PTBP3: variants seen among roughly 807,000 people sequenced by gnomAD.
The protein encoded by PTBP3 is polypyrimidine tract-binding protein 3.
PTBP3 carries 20 observed loss-of-function variants against 58.7 expected under a neutral mutation model. The ratio of observed to expected loss-of-function variants is 0.34; its 90% CI spans 0.24 to 0.50. PTBP3 has a LOEUF of 0.50. Among genes scored for constraint, PTBP3 ranks in the 20% least tolerant of loss-of-function variants. The probability of loss-of-function intolerance (pLI) is 0.98; values close to 1 mark genes in which losing one functional copy is unlikely to be tolerated. For synonymous variants in PTBP3, 185 were observed against 219.8 expected, an observed-to-expected ratio of 0.84 and a Z score of 1.40; for missense variants, 509 against 637.2, an observed-to-expected ratio of 0.80 and a Z score of 2.17.
At chr9:112,324,861 C>A (rs1167520802) in intron 1 of PTBP3, among the ~76,000 whole-genome samples, 3 of 152,070 alleles carry the variant, frequency 2.0e-5, no homozygotes, top group African/African-American at 7.2e-5. Context: ...GTTTGGCTGA[C>A]ACATGAGGCA....
chr9:112,375,654 T>C, the PTBP3 span, among the ~76,000 whole-genome samples: 1 of 152,162 alleles, frequency 6.6e-6, no homozygotes, highest in Non-Finnish European at 1.5e-5. Flanking sequence ...TTTGAGCCAC[T>C]TCCTCATGTA....
intron 7 of PTBP3, among the ~76,000 whole-genome samples, chr9:112,243,017 C>T (rs1173479280): frequency 6.6e-6 from 1 of 151,934 alleles, no homozygotes; most frequent in African/African-American, 2.4e-5. Flanking sequence ...CAATTGACCA[C>T]ATCTGTGGAT....
rs1427684215 is a variant in PTBP3, at chr9:112,333,586, C to A, written c.-168G>T. On this transcript the variant is annotated 5_prime_UTR_variant, in exon 1 of 14. Transcript: ENST00000374257. ...CGGGGACAAGCGAGCTTTGGCTCTG[C>A]GGAGCCCCGGCCGGTCCGAGGTGGA... 7.3e-7 allele frequency: 1 copy of A among 1,367,662 alleles called. No homozygotes were observed. Among genetic ancestry groups the A allele is most frequent in the Non-Finnish European group, 1.0e-6 (1 of 983,058 alleles). The allele number at this position is 1,367,662 out of a possible 1,614,324, so 84.7% of individuals were successfully genotyped here. A position where few individuals can be genotyped will look rare whatever the true frequency, so the allele number is the denominator to read the frequency against.
intron 1 of PTBP3, among the ~76,000 whole-genome samples, chr9:112,305,872 G>A (rs772335108): frequency 8.5e-5 from 13 of 152,192 alleles, no homozygotes; most frequent in African/African-American, 1.7e-4. Flanking sequence ...CCCAGGAGGC[G>A]GAGCTTGCAG....
intron 2 of PTBP3, among the ~76,000 whole-genome samples, chr9:112,279,182 G>A (rs1440907661): frequency 1.3e-5 from 2 of 152,012 alleles, no homozygotes; most frequent in Non-Finnish European, 2.9e-5. Context: ...AAGCCAATAG[G>A]AAACAAGGAA....
intron 12 of PTBP3, 81 bp from the exon 13 acceptor site, chr9:112,224,291 C>A: frequency 1.2e-6 from 1 of 828,364 alleles, no homozygotes; most frequent in Middle Eastern, 2.4e-4. Context: ...CATCAAATCT[C>A]TAGAGTACAT....
At chr9:112,286,338 A>G (rs1828112477) in intron 2 of PTBP3, among the ~76,000 whole-genome samples, 1 of 151,108 alleles carries the variant, frequency 6.6e-6, no homozygotes, top group African/African-American at 2.4e-5. Flanking sequence ...CCATCTTGTC[A>G]TTTTTTTTCT....
chr9:112,244,814 T>C (rs1338482531), intron 7 of PTBP3, among the ~76,000 whole-genome samples: 2 of 151,978 alleles, frequency 1.3e-5, no homozygotes, highest in South Asian at 2.1e-4. Context: ...AAAACCCCAA[T>C]AGCTACTGCT....
At chr9:112,241,774 C>G (rs528530049) in intron 7 of PTBP3, among the ~76,000 whole-genome samples, 24 of 152,194 alleles carry the variant, frequency 1.6e-4, no homozygotes, top group Non-Finnish European at 2.8e-4. Context: ...TCCCATCATT[C>G]CTGAAAATTT....
chr9:112,235,926 A>T (rs1228214646), intron 7 of PTBP3, among the ~76,000 whole-genome samples: 1 of 152,160 alleles, frequency 6.6e-6, no homozygotes, highest in Non-Finnish European at 1.5e-5. Flanking sequence ...TAGTTTCAAA[A>T]GGGGGATAGG....
chr9:112,268,895 T>C (rs1157823758), intron 3 of PTBP3, among the ~76,000 whole-genome samples: 1 of 152,042 alleles, frequency 6.6e-6, no homozygotes. Context: ...AAGTTTATCA[T>C]TAAAAACAGT....
intron 1 of PTBP3, chr9:112,332,779 C>T: frequency 1.9e-6 from 3 of 1,612,340 alleles, no homozygotes; most frequent in Admixed American, 1.7e-5. Flanking sequence ...TCATATTTTA[C>T]ATACACGGGC....
intron 1 of PTBP3, among the ~76,000 whole-genome samples, chr9:112,321,502 C>T (rs1378346870): frequency 1.4e-5 from 2 of 146,342 alleles, no homozygotes; most frequent in African/African-American, 2.6e-5. Context: ...GCACCCCAGC[C>T]TGGGCAACAG....
At chr9:112,330,546 TAAG>T in intron 1 of PTBP3, 1 of 1,046,284 alleles carries the variant, frequency 9.6e-7, no homozygotes, top group Non-Finnish European at 1.4e-6. Context: ...ACAGAGATAG[TAAG>T]AATAAAGGGG....
rs764480815 is a variant in PTBP3, at chr9:112,252,706, T to A, written c.599A>T (p.Asp200Val). 1 of 1,610,328 alleles carries A rather than the reference T, an allele frequency of 6.2e-7. No individual in the cohort carries two copies. The highest frequency in any genetic ancestry group is 8.5e-7 in the Non-Finnish European group (1 of 1,177,112). Reference protein sequence around the residue: ...NQFQALLQYADPVNAHYAKMA... With the variant: ...NQFQALLQYAVPVNAHYAKMA... ...TTTGGCATAATGTGCATTTACTGGG[T>A]CAGCATACTGAAGCAAGGCTTGAAA... Residue 200 changes from aspartate (D) to valine (V), a missense_variant, in exon 6 of 14, where the codon GAC (aspartate) becomes GTC (valine). By Grantham distance (152) the Asp-to-Val change is radical. Around this residue, in one of 4 missense-constraint regions of PTBP3, gnomAD observed 41 missense variants for 78.0 expected, o/e 0.53. Coordinates refer to ENST00000374257, the MANE Select transcript of PTBP3 (RefSeq NM_001163788.4).
chr9:112,351,410 A>C, the PTBP3 span, among the ~76,000 whole-genome samples: 2 of 152,222 alleles, frequency 1.3e-5, no homozygotes, highest in African/African-American at 4.8e-5. Context: ...TCCTATTGTT[A>C]ACATGACTCA....
In PTBP3 at chr9:112,290,690, AT is replaced by A. The variant is rs1828365023; in HGVS notation, c.34+7141del. Among the ~76,000 whole-genome samples the A allele has an allele frequency of 2.5e-4, 22 of 88,622 alleles. No homozygotes were observed. In the South Asian group the frequency reaches 3.8e-3, roughly 15 times the overall value. The allele number at this position is 88,622 out of a possible 152,430, so 58.1% of individuals were successfully genotyped here. A position where few individuals can be genotyped will look rare whatever the true frequency, so the allele number is the denominator to read the frequency against. On this transcript the variant is annotated intron_variant, in intron 2 of 13. Transcript: ENST00000374257. ...CTGTCTTTAAAAAAAAAAAAAAAAT[AT>A]ATATATATATATATATACACACACA...
chr9:112,339,063 TTTTA>T, the PTBP3 span, among the ~76,000 whole-genome samples: 1 of 152,170 alleles, frequency 6.6e-6, no homozygotes, highest in Non-Finnish European at 1.5e-5. Flanking sequence ...AAACAGCCTT[TTTTA>T]TTTAAATTCA....
intron 5 of PTBP3, among the ~76,000 whole-genome samples, chr9:112,257,197 CA>C (rs967162299): frequency 3.9e-5 from 6 of 152,156 alleles, no homozygotes; most frequent in Admixed American, 3.3e-4. Context: ...CCAGCAATAG[CA>C]CTCTAGTCCC....
Sources: gnomAD v4.1 joint callset for allele counts (sites outside exome capture counted in the v4.1 genomes callset) on GRCh38, gnomAD v4.1.1 for gene constraint, gnomAD v4.1.1 regional missense constraint, MANE v1.5 for transcripts, NCBI Gene and HGNC (gene_info 2026-07-23, HGNC 2026-07-21) for gene names.